The following KDM4C variants were observed in gnomAD, a reference collection of about 807,000 sequenced individuals.
KDM4C encodes the protein lysine-specific demethylase 4C.
KDM4C carries 81 observed loss-of-function variants against 129.3 expected under a neutral mutation model. The ratio of observed to expected loss-of-function variants is 0.63; its 90% confidence interval spans 0.52 to 0.75. KDM4C has a LOEUF of 0.75. KDM4C is among the 30% of genes least tolerant of loss of function. KDM4C has a pLI of 0.00. For missense variants in KDM4C, 1,457 were observed against 1,304.0 expected (o/e 1.12, Z -1.81); for synonymous variants, 573 against 456.1 (o/e 1.26, Z -3.26).
intron 8 of KDM4C, among the ~76,000 whole-genome samples, chr9:6,951,472 G>A (rs1260119004): frequency 6.6e-6 from 1 of 152,156 alleles, no homozygotes; most frequent in Non-Finnish European, 1.5e-5. Flanking sequence ...GGCACCACTA[G>A]TTGCATTTTG....
chr9:6,889,717 T>C (rs1354593919), intron 7 of KDM4C, among the ~76,000 whole-genome samples: 1 of 152,258 alleles, frequency 6.6e-6, no homozygotes, highest in East Asian at 1.9e-4. Context: ...AATGCAACAG[T>C]ATCCCCAAGA....
intron 12 of KDM4C, among the ~76,000 whole-genome samples, 155 bp from the exon 13 acceptor site, chr9:7,011,543 T>C (rs1242945346): frequency 2.0e-5 from 3 of 152,212 alleles, no homozygotes; most frequent in African/African-American, 7.2e-5. Context: ...ACTTCCCTTA[T>C]CCTGGCTCTC....
chr9:6,761,453 C>A (rs1819480632), intron 1 of KDM4C, among the ~76,000 whole-genome samples: 1 of 152,070 alleles, frequency 6.6e-6, no homozygotes, highest in African/African-American at 2.4e-5. Flanking sequence ...CCACCAGCCC[C>A]AGCCTCTCAA....
At chr9:7,158,817 G>A (rs1042594969) in intron 19 of KDM4C, among the ~76,000 whole-genome samples, 1 of 152,172 alleles carries the variant, frequency 6.6e-6, no homozygotes, top group Non-Finnish European at 1.5e-5. Context: ...TGTATATTCT[G>A]TTGATTTGGG....
chr9:7,014,010 A>G lies in KDM4C; in HGVS notation c.2182+9A>G. ...CGTACGGGTTCATGCAAGTAAATGG[A>G]TCTATAATTCATCAATCACTGGCTT... On this transcript the variant is annotated intron_variant, in intron 14 of 21. Coordinates refer to ENST00000381309, the MANE Select transcript of KDM4C (RefSeq NM_015061.6). The G allele has an allele frequency of 6.3e-7, 1 of 1,598,224 alleles. No homozygotes were observed. The highest frequency in any genetic ancestry group is 8.5e-7 in the Non-Finnish European group (1 of 1,171,028).
intron 5 of KDM4C, among the ~76,000 whole-genome samples, chr9:6,877,086 A>G (rs1289974407): frequency 1.3e-5 from 2 of 152,070 alleles, no homozygotes; most frequent in African/African-American, 2.4e-5. Flanking sequence ...TCCCTGAGGG[A>G]TGTATGTTTC....
chr9:6,835,863 A>T (rs1009657184), intron 4 of KDM4C, among the ~76,000 whole-genome samples: 6 of 152,122 alleles, frequency 3.9e-5, no homozygotes, highest in Non-Finnish European at 5.9e-5. Flanking sequence ...GCATTGTTAC[A>T]GGAAGTTGTT....
chr9:6,827,777 A>G (rs2131286137), intron 4 of KDM4C, among the ~76,000 whole-genome samples: 1 of 152,328 alleles, frequency 6.6e-6, no homozygotes, highest in South Asian at 2.1e-4. Context: ...AGAGAGAGCT[A>G]TTGGCTTGTA....
intron 17 of KDM4C, among the ~76,000 whole-genome samples, chr9:7,094,080 C>A (rs1275242886): frequency 6.6e-6 from 1 of 152,232 alleles, no homozygotes; most frequent in Non-Finnish European, 1.5e-5. Context: ...GGTGCTGTTA[C>A]CATCTTTACC....
intron 2 of KDM4C, among the ~76,000 whole-genome samples, chr9:6,797,939 C>G (rs1000855928): frequency 6.6e-6 from 1 of 152,190 alleles, no homozygotes; most frequent in African/African-American, 2.4e-5. Flanking sequence ...GAAGGAATGG[C>G]TTTCCCTCAT....
chr9:7,121,291 C>T (rs1839457405), intron 18 of KDM4C, among the ~76,000 whole-genome samples: 1 of 152,174 alleles, frequency 6.6e-6, no homozygotes, highest in Non-Finnish European at 1.5e-5. Flanking sequence ...TGGGTTCTCT[C>T]ACAGGTTTAT....
chr9:6,926,180 G>A (rs1442404413), intron 8 of KDM4C, among the ~76,000 whole-genome samples: 1 of 151,826 alleles, frequency 6.6e-6, no homozygotes, highest in Non-Finnish European at 1.5e-5. Context: ...TCAAGGGGCT[G>A]TTAGGCATTC....
intron 2 of KDM4C, among the ~76,000 whole-genome samples, chr9:6,802,518 C>A (rs1829196757): frequency 6.6e-6 from 1 of 152,072 alleles, no homozygotes; most frequent in African/African-American, 2.4e-5. Flanking sequence ...AAGCCACATG[C>A]CCATCAATGG....
intron 8 of KDM4C, among the ~76,000 whole-genome samples, chr9:6,909,888 C>T (rs1322316513): frequency 1.3e-5 from 2 of 152,102 alleles, no homozygotes; most frequent in African/African-American, 4.8e-5. Context: ...AGCGGCACAT[C>T]ATTGGTGGAC....
Position 7,103,827 on chromosome 9 carries a change from T to C in KDM4C, c.2567T>C (p.Val856Ala). Residue 856 changes from valine to alanine, a missense_variant, in exon 18 of 22, where the codon GTG becomes GCG. Val to Ala is a moderately conservative substitution (Grantham distance 64). Coordinates refer to ENST00000381309, the MANE Select transcript of KDM4C (RefSeq NM_015061.6). ...ATGGAGCCTGATGACTGGCCTTATG[T>C]GGTGAACATTACATGCTTTCGACAT... ...VLMEPDDWPY[V>A]VNITCFRHKV... The C allele has an allele frequency of 6.2e-7, 1 of 1,614,030 alleles. No homozygotes were observed. Among genetic ancestry groups the C allele is most frequent in the Non-Finnish European group, 8.5e-7 (1 of 1,179,938 alleles).
In KDM4C at chr9:7,083,394, A is replaced by G. The variant is rs553269056; in HGVS notation, c.2425-20291A>G. ...TATATTCAGTGTGCATTGCTTAACA[A>G]TGGGGATGCATTCTGAGAAGTGCAT... On this transcript the variant is annotated intron_variant, in intron 17 of 21. Transcript: ENST00000381309. Among the ~76,000 whole-genome samples, 152 of 152,346 alleles carry G rather than the reference A, an allele frequency of 1.0e-3. 1 individual carries two copies. The highest frequency in any genetic ancestry group is 3.4e-3 in the African/African-American group (143 of 41,576).
intron 8 of KDM4C, among the ~76,000 whole-genome samples, chr9:6,912,767 G>C (rs10815480): frequency 2.0e-5 from 3 of 151,940 alleles, no homozygotes; most frequent in Non-Finnish European, 4.4e-5. Context: ...ATTAGTGTCT[G>C]CTGAACTGAT....
At chr9:6,946,005 A>G (rs1441795096) in intron 8 of KDM4C, among the ~76,000 whole-genome samples, 6 of 152,180 alleles carry the variant, frequency 3.9e-5, no homozygotes, top group Non-Finnish European at 7.4e-5. Context: ...CAGTTGTGGT[A>G]AATGAATGTA....
intron 3 of KDM4C, among the ~76,000 whole-genome samples, chr9:6,808,636 T>G (rs1830574734): frequency 6.9e-6 from 1 of 145,828 alleles, no homozygotes; most frequent in Non-Finnish European, 1.5e-5. Context: ...CCTCCACTAT[T>G]GTCCCATGAC....
Sources: allele counts gnomAD v4.1 joint callset (sites outside exome capture counted in the v4.1 genomes callset), GRCh38; gene constraint gnomAD v4.1.1; transcripts MANE v1.5; gene names NCBI Gene and HGNC (gene_info 2026-07-23, HGNC 2026-07-21).